Variants in RUNX2 observed in about 807,000 individuals in gnomAD.
The protein encoded by RUNX2 is runt-related transcription factor 2.
In RUNX2, 10 loss-of-function variants were observed where a neutral mutation model predicts 51.7. The observed-to-expected ratio is 0.19, with a 90% CI of 0.12 to 0.33. The LOEUF is 0.33. Ranked by LOEUF, RUNX2 falls within the 10% of genes least tolerant of loss-of-function variation. RUNX2 has a pLI of 1.00. For synonymous variants in RUNX2, 276 were observed against 273.6 expected, an observed-to-expected ratio of 1.01 and a Z score of -0.09; for missense variants, 562 against 691.3, an observed-to-expected ratio of 0.81 and a Z score of 2.10.
chr6:45,440,262 C>T (rs1476926800), intron 5 of RUNX2, among the ~76,000 whole-genome samples: 1 of 152,172 alleles, frequency 6.6e-6, no homozygotes, highest in Non-Finnish European at 1.5e-5. Context: ...TTTTTTTCCT[C>T]CCTGTTCTTG....
chr6:45,388,023 T>C (rs1014728458), intron 2 of RUNX2, among the ~76,000 whole-genome samples: 1 of 152,116 alleles, frequency 6.6e-6, no homozygotes, highest in Non-Finnish European at 1.5e-5. Flanking sequence ...GATATAGATG[T>C]TCAAGATCAA....
chr6:45,473,812 G>C (rs775971232), intron 5 of RUNX2, among the ~76,000 whole-genome samples: 28 of 152,272 alleles, frequency 1.8e-4, no homozygotes, highest in African/African-American at 6.7e-4. Context: ...CTGAAATTTT[G>C]AGTCAGGAGT....
rs1471189003 is a variant in RUNX2 at position 45,549,839 on chromosome 6, A to G, written c.*2534A>G. On this transcript the variant is annotated 3_prime_UTR_variant, in exon 9 of 9. Coordinates refer to ENST00000647337, the MANE Select transcript of RUNX2 (RefSeq NM_001024630.4). Reference sequence around the variant, plus strand: ...AAATGTTACTATAGTGGCTGCAGGCAGCAACCCAGAAACACTTTAGAAGCT... The same window carrying G: ...AAATGTTACTATAGTGGCTGCAGGCGGCAACCCAGAAACACTTTAGAAGCT... 6.5e-6 allele frequency: 1 copy of G among 153,196 alleles called. No homozygotes were observed. The highest frequency in any genetic ancestry group is 1.5e-5 in the Non-Finnish European group (1 of 68,434). The allele number at this position is 153,196 out of a possible 1,614,324, so 9.5% of individuals were successfully genotyped here. A position where few individuals can be genotyped will look rare whatever the true frequency, so the allele number is the denominator to read the frequency against.
At chr6:45,451,305 A>C (rs1799164285) in intron 5 of RUNX2, among the ~76,000 whole-genome samples, 2 of 152,154 alleles carry the variant, frequency 1.3e-5, no homozygotes, top group Admixed American at 6.6e-5. Context: ...TTAGATGAAG[A>C]GCAATAGGAG....
At chr6:45,408,162 T>A in intron 2 of RUNX2, among the ~76,000 whole-genome samples, 1 of 151,908 alleles carries the variant, frequency 6.6e-6, no homozygotes. Context: ...GAGATTTTTA[T>A]TTTTATTTTT....
intron 5 of RUNX2, among the ~76,000 whole-genome samples, chr6:45,480,105 A>G (rs1800066306): frequency 6.6e-6 from 1 of 152,220 alleles, no homozygotes; most frequent in Non-Finnish European, 1.5e-5. Context: ...ACTCCCCTTC[A>G]TTACACCTGG....
At chr6:45,512,137 T>G (rs2150421081) in intron 6 of RUNX2, 109 bp from the exon 7 acceptor site, 1 of 1,005,526 alleles carries the variant, frequency 9.9e-7, no homozygotes, top group African/African-American at 1.6e-5. Context: ...ATAAGCCATT[T>G]TTTTTTCTCT....
intron 2 of RUNX2, chr6:45,421,323 T>A (rs1798180824): frequency 6.6e-6 from 1 of 152,070 alleles, no homozygotes; most frequent in South Asian, 2.1e-4. Context: ...ATGACAAGAT[T>A]GAATATATAA....
intron 2 of RUNX2, among the ~76,000 whole-genome samples, chr6:45,335,080 C>T (rs540801440): frequency 7.9e-5 from 12 of 151,164 alleles, no homozygotes; most frequent in Non-Finnish European, 1.3e-4. Context: ...ACAACTCTGG[C>T]TTGAAGCTAA....
At chr6:45,406,612 G>A (rs985373332) in intron 2 of RUNX2, among the ~76,000 whole-genome samples, 45 of 152,204 alleles carry the variant, frequency 3.0e-4, no homozygotes, top group African/African-American at 1.0e-3. Context: ...TGCCATGTTG[G>A]CCAGGTTGGT....
intron 2 of RUNX2, among the ~76,000 whole-genome samples, chr6:45,357,731 T>A (rs778941362): frequency 6.6e-6 from 1 of 152,134 alleles, no homozygotes; most frequent in Admixed American, 6.5e-5. Context: ...CTACATAACA[T>A]TGCTAATTTT....
At chr6:45,498,159 G>A (rs1275436683) in intron 6 of RUNX2, among the ~76,000 whole-genome samples, 1 of 152,022 alleles carries the variant, frequency 6.6e-6, no homozygotes, top group Non-Finnish European at 1.5e-5. Flanking sequence ...AGTACTCTTG[G>A]GAAGCTGAAA....
chr6:45,392,628 C>T (rs1797495345), intron 2 of RUNX2, among the ~76,000 whole-genome samples: 1 of 151,648 alleles, frequency 6.6e-6, no homozygotes, highest in Non-Finnish European at 1.5e-5. Context: ...TGGGGAGGGT[C>T]AGAAGAAAAA....
intron 5 of RUNX2, among the ~76,000 whole-genome samples, chr6:45,456,950 A>T (rs187898919): frequency 2.6e-5 from 4 of 152,314 alleles, no homozygotes; most frequent in Non-Finnish European, 4.4e-5. Flanking sequence ...AATCAAATTC[A>T]AGTTGAAAAA....
At chr6:45,399,448 C>T (rs1797655519) in intron 2 of RUNX2, among the ~76,000 whole-genome samples, 1 of 144,302 alleles carries the variant, frequency 6.9e-6, no homozygotes, top group Non-Finnish European at 1.5e-5. Flanking sequence ...CAACCTCCAC[C>T]TCCTGAGTTC....
intron 2 of RUNX2, among the ~76,000 whole-genome samples, chr6:45,384,206 C>T (rs60512318): frequency 0.014 from 2,069 of 151,952 alleles, 57 homozygotes; most frequent in African/African-American, 0.048. Flanking sequence ...GTTCCTGACA[C>T]ATTGAAAATA....
At chr6:45,436,493 C>T (rs1997992) in intron 4 of RUNX2, among the ~76,000 whole-genome samples, 73,167 of 151,926 alleles carry the variant, frequency 0.48, 17,924 homozygotes, top group South Asian at 0.62. Context: ...GCACTTAATA[C>T]GTTTCTAATT....
At position 45,475,109 on chromosome 6, in the gene RUNX2, G is replaced by GT. The variant is rs369439413; in HGVS notation, c.686-16831dup. Among the ~76,000 whole-genome samples, 906 of 143,404 alleles carry GT rather than the reference G, an allele frequency of 6.3e-3. 8 individuals are homozygous for GT. Among genetic ancestry groups the GT allele is most frequent in the African/African-American group, 0.022 (844 of 38,854 alleles). 94.1% of individuals were successfully genotyped at this position (143,404 alleles called of 152,430 possible). On this transcript the variant is annotated intron_variant, in intron 5 of 8. Transcript: ENST00000647337. ...ACTGCACTCCAGCCTGGGCGACAGA[G>GT]TAAGACTCCATCTTAAAAAAAAAAA...
At chr6:45,482,058 T>C (rs1800131877) in intron 5 of RUNX2, among the ~76,000 whole-genome samples, 1 of 152,166 alleles carries the variant, frequency 6.6e-6, no homozygotes, top group African/African-American at 2.4e-5. Flanking sequence ...AGAAGCATAG[T>C]AGGTTAGAGG....
Sources: gnomAD v4.1 joint callset for allele counts (sites outside exome capture counted in the v4.1 genomes callset) on GRCh38, gnomAD v4.1.1 for gene constraint, MANE v1.5 for transcripts, NCBI Gene and HGNC (gene_info 2026-07-23, HGNC 2026-07-21) for gene names.